The following IQCE variants were observed in gnomAD, a reference collection of about 807,000 sequenced individuals.
IQCE encodes IQ domain-containing protein E.
In IQCE, 115 loss-of-function variants were observed where a neutral mutation model predicts 96.0. That is an observed-to-expected ratio of 1.20 (90% CI 1.03 to 1.40). The LOEUF is 1.40. IQCE is among the 40% of genes most tolerant of loss of function. The pLI is 0.00. For missense variants in IQCE, 1,041 were observed against 909.1 expected (o/e 1.15, Z -1.87); for synonymous variants, 412 against 371.2 (o/e 1.11, Z -1.26).
intron 16 of IQCE, among the ~76,000 whole-genome samples, chr7:2,595,883 G>A (rs1037290959): frequency 3.3e-5 from 5 of 149,718 alleles, no homozygotes; most frequent in African/African-American, 4.9e-5. Context: ...CACCATGGCC[G>A]GTGCTGTACT....
At position 2,578,120 on chromosome 7, in the gene IQCE, G is replaced by T; in HGVS notation, c.466-122G>T. The T allele has an allele frequency of 5.8e-6, 4 of 694,434 alleles. No individual in the cohort carries two copies. In the South Asian group the frequency reaches 6.5e-5, roughly 11 times the overall value. The allele number at this position is 694,434 out of a possible 1,614,324, so 43.0% of individuals were successfully genotyped here. On this transcript the variant is annotated intron_variant, in intron 6 of 21. Transcript: ENST00000402050. ...CGCAGTGGCGTGTGCGTGGCTGTGC[G>T]CGTGGGGACGTGTGTGCGGCGTGCC...
chr7:2,607,195 C>T lies in IQCE; in HGVS notation c.1937C>T (p.Ala646Val), dbSNP rs1189218440. 3 of 1,613,722 alleles carry T rather than the reference C, an allele frequency of 1.9e-6. No homozygotes were observed. The highest frequency in any genetic ancestry group is 2.7e-5 in the African/African-American group (2 of 75,020). ...TCGGCTTCAGCCACACACGGGGACG[C>T]CTCCTCCCCACCCTTCCTCGCAGCT... The part of the protein sequence containing the change: ...RRSASATHGD[A>V]SSPPFLAALP... Residue 646 changes from alanine to valine, a missense_variant, in exon 21 of 22, where the codon GCC (alanine) becomes GTC (valine). Transcript: ENST00000402050.
At chr7:2,588,692 TCTCA>T (rs1462772178) in intron 13 of IQCE, among the ~76,000 whole-genome samples, 1 of 101,702 alleles carries the variant, frequency 9.8e-6, no homozygotes, top group Non-Finnish European at 1.8e-5. Context: ...TGAGGTGGAG[TCTCA>T]CTCTATCGCC....
At chr7:2,559,258 G>T in intron 1 of IQCE, 41 bp downstream of exon 1, 1 of 1,183,982 alleles carries the variant, frequency 8.4e-7, no homozygotes, top group Non-Finnish European at 1.1e-6. Context: ...GGGCGTCCGC[G>T]AGGCCTCGGC....
intron 6 of IQCE, among the ~76,000 whole-genome samples, chr7:2,574,349 G>C (rs988226774): frequency 6.6e-6 from 1 of 152,246 alleles, no homozygotes. Flanking sequence ...GGGGAGCTGG[G>C]AAGAAACTGG....
At chr7:2,567,026 T>C in intron 1 of IQCE, 90 bp from the exon 2 acceptor site, 3 of 1,039,502 alleles carry the variant, frequency 2.9e-6, no homozygotes, top group Non-Finnish European at 4.5e-6. Context: ...TTTCAGCAGC[T>C]GTGGACGGGC....
chr7:2,605,851 C>T, intron 19 of IQCE, 25 bp from the exon 20 acceptor site: 1 of 1,543,704 alleles, frequency 6.5e-7, no homozygotes, highest in Non-Finnish European at 8.8e-7. Context: ...AAACAGTCGT[C>T]TTCCCTGCTG....
intron 18 of IQCE, chr7:2,601,699 A>T: frequency 2.1e-6 from 1 of 475,826 alleles, no homozygotes; most frequent in Non-Finnish European, 3.8e-6. Flanking sequence ...ACAGGGATGC[A>T]CCACTGTGCC....
chr7:2,585,796 AG>A (rs1424166269), intron 11 of IQCE, among the ~76,000 whole-genome samples: 1 of 152,226 alleles, frequency 6.6e-6, no homozygotes, highest in Non-Finnish European at 1.5e-5. Flanking sequence ...CCATTTTAGC[AG>A]CAAGCACATT....
intron 3 of IQCE, among the ~76,000 whole-genome samples, chr7:2,569,388 C>T (rs1250302149): frequency 6.6e-6 from 1 of 152,128 alleles, no homozygotes; most frequent in East Asian, 1.9e-4. Flanking sequence ...TCCTGAGAGT[C>T]GAAGTTACTG....
At chr7:2,609,923 T>G (rs1399754007) in intron 21 of IQCE, 121 bp from the exon 22 acceptor site, 3 of 658,512 alleles carry the variant, frequency 4.6e-6, no homozygotes, top group Non-Finnish European at 8.2e-6. Flanking sequence ...CATGGCTTAC[T>G]GCTTCTCGGG....
At chr7:2,598,698 A>C in intron 17 of IQCE, 66 bp downstream of exon 17, 8 of 1,371,758 alleles carry the variant, frequency 5.8e-6, no homozygotes, top group East Asian at 2.8e-5. Flanking sequence ...CAAGCCACTC[A>C]CTCTCCAGGA....
chr7:2,580,005 A>G (rs528166656), intron 8 of IQCE: 11 of 152,108 alleles, frequency 7.2e-5, no homozygotes, highest in African/African-American at 2.4e-4. Context: ...AAGTGTTGGG[A>G]TTACAGGCCT....
At chr7:2,573,220 T>C (rs1418086622) in intron 5 of IQCE, among the ~76,000 whole-genome samples, 198 bp from the exon 6 acceptor site, 1 of 152,240 alleles carries the variant, frequency 6.6e-6, no homozygotes, top group African/African-American at 2.4e-5. Context: ...TCTCTCTCTA[T>C]CTACCATTTT....
intron 20 of IQCE, among the ~76,000 whole-genome samples, chr7:2,606,499 G>C (rs1413485203): frequency 6.6e-6 from 1 of 152,120 alleles, no homozygotes; most frequent in African/African-American, 2.4e-5. Context: ...GAGCCTGGCC[G>C]GGGGGAGTTT....
At chr7:2,576,438 A>G (rs1011672472) in intron 6 of IQCE, among the ~76,000 whole-genome samples, 1 of 151,674 alleles carries the variant, frequency 6.6e-6, no homozygotes, top group African/African-American at 2.4e-5. Flanking sequence ...TTTGAGACAG[A>G]GTCTCACTCT....
At chr7:2,594,352 A>G (rs184007293) in intron 15 of IQCE, among the ~76,000 whole-genome samples, 1 of 142,648 alleles carries the variant, frequency 7.0e-6, no homozygotes, top group East Asian at 1.9e-4. Context: ...CTGAAAGGGC[A>G]CATGTGCAGA....
intron 1 of IQCE, among the ~76,000 whole-genome samples, chr7:2,563,754 C>G (rs1463424630): frequency 6.6e-6 from 1 of 151,144 alleles, no homozygotes; most frequent in Non-Finnish European, 1.5e-5. Context: ...ATTAGCCGGG[C>G]GTGGTGGCAG....
chr7:2,579,461 A>C (rs746772214), intron 8 of IQCE, among the ~76,000 whole-genome samples: 13 of 152,240 alleles, frequency 8.5e-5, no homozygotes, highest in Admixed American at 6.5e-5. Flanking sequence ...TCAATACAAC[A>C]AAGTTTTCTG....
Sources: allele counts gnomAD v4.1 joint callset (sites outside exome capture counted in the v4.1 genomes callset), GRCh38; gene constraint gnomAD v4.1.1; transcripts MANE v1.5; gene names NCBI Gene and HGNC (gene_info 2026-07-23, HGNC 2026-07-21).